CYP19A1: variants seen among roughly 807,000 people sequenced by gnomAD.
CYP19A1 encodes the protein cytochrome P450 family 19 subfamily A member 1.
CYP19A1 carries 32 observed loss-of-function variants against 44.4 expected under a neutral mutation model. That is an observed-to-expected ratio of 0.72 (90% CI 0.54 to 0.97). CYP19A1 has a LOEUF of 0.97. Ranked by LOEUF, CYP19A1 falls within the 50% of genes least tolerant of loss-of-function variation. The pLI, the probability that CYP19A1 is intolerant of heterozygous loss-of-function variation, is 0.00. For missense variants in CYP19A1, 598 were observed against 637.8 expected, an observed-to-expected ratio of 0.94 and a Z score of 0.67; for synonymous variants, 212 against 215.6, an observed-to-expected ratio of 0.98 and a Z score of 0.14.
intron 1 of CYP19A1, chr15:51,293,823 T>G (rs915747746): frequency 5.5e-6 from 1 of 180,284 alleles, no homozygotes; most frequent in Admixed American, 6.3e-5. Context: ...CCTCACAAGG[T>G]GCCGGGATTG....
Position 51,262,133 on chromosome 15 carries a change from C to T in CYP19A1, c.-38-19183G>A, listed in dbSNP as rs2034746897. ...GGGCAGAAAACCACTTAAAGGCGTT[C>T]CTAAGCCACAAACAATAGCATGAGC... On this transcript the variant is annotated intron_variant, in intron 1 of 9. Coordinates refer to ENST00000396402, the MANE Select transcript of CYP19A1 (RefSeq NM_000103.4). Among the ~76,000 whole-genome samples the T allele has an allele frequency of 2.0e-5, 3 of 152,234 alleles. No individual in the cohort carries two copies. The South Asian group carries it at 6.2e-4, about 32-fold the overall frequency.
intron 1 of CYP19A1, among the ~76,000 whole-genome samples, chr15:51,263,301 C>T (rs987188089): frequency 1.3e-5 from 2 of 152,184 alleles, no homozygotes; most frequent in Admixed American, 6.5e-5. Flanking sequence ...GCAGGCAGAA[C>T]ATTGACATTG....
At chr15:51,330,770 A>G (rs185706538) in intron 1 of CYP19A1, among the ~76,000 whole-genome samples, 13 of 152,348 alleles carry the variant, frequency 8.5e-5, no homozygotes, top group Admixed American at 5.9e-4. Flanking sequence ...AAGTAGTGTC[A>G]TGGAAGCTCA....
At chr15:51,278,103 C>G (rs2035389241) in intron 1 of CYP19A1, 1 of 151,950 alleles carries the variant, frequency 6.6e-6, no homozygotes, top group Non-Finnish European at 1.5e-5. Flanking sequence ...GCTTTTCTGG[C>G]AATCACTCTT....
chr15:51,280,778 A>G (rs2035491975), intron 1 of CYP19A1, among the ~76,000 whole-genome samples: 1 of 152,172 alleles, frequency 6.6e-6, no homozygotes, highest in Non-Finnish European at 1.5e-5. Context: ...AACTGTGTCA[A>G]CGAATGTAGT....
intron 1 of CYP19A1, among the ~76,000 whole-genome samples, chr15:51,272,695 G>C (rs1438607084): frequency 6.6e-6 from 1 of 152,164 alleles, no homozygotes; most frequent in Non-Finnish European, 1.5e-5. Flanking sequence ...AGTTTTGCTA[G>C]AGCCTCCTCT....
chr15:51,230,507 T>G (rs771803582), intron 3 of CYP19A1, among the ~76,000 whole-genome samples: 52 of 152,030 alleles, frequency 3.4e-4, no homozygotes, highest in Non-Finnish European at 6.0e-4. Context: ...GGGAGTAAGC[T>G]CTTAGGTGAT....
chr15:51,262,513 C>A (rs35939475), intron 1 of CYP19A1, among the ~76,000 whole-genome samples: 58,706 of 151,964 alleles, frequency 0.39, 11,904 homozygotes, highest in East Asian at 0.5. Context: ...AATAACCCTG[C>A]CCCTATTCTC....
intron 5 of CYP19A1, among the ~76,000 whole-genome samples, chr15:51,220,975 GT>G (rs34931824): frequency 0.071 from 10,261 of 144,028 alleles, 470 homozygotes; most frequent in Non-Finnish European, 0.096. Context: ...GCATGCACAT[GT>G]TTTTTTTTTT....
At chr15:51,310,347 G>A (rs2036289726) in intron 1 of CYP19A1, among the ~76,000 whole-genome samples, 1 of 152,194 alleles carries the variant, frequency 6.6e-6, no homozygotes, top group African/African-American at 2.4e-5. Flanking sequence ...GTTTTCTCCT[G>A]GCTTTGGCCC....
rs768392321 is a variant in CYP19A1 at position 51,215,667 on chromosome 15, T to C, written c.858+36A>G. On this transcript the variant is annotated intron_variant, in intron 7 of 9. Transcript: ENST00000396402. ...CACACCTCTACACAGTCATAACATA[T>C]GTGGCATGGGAATTACAGTTAGTTC... The C allele has an allele frequency of 9.9e-6, 16 of 1,613,824 alleles. No homozygotes were observed. The East Asian group carries it at 2.7e-4, about 27-fold the overall frequency.
intron 2 of CYP19A1, among the ~76,000 whole-genome samples, chr15:51,240,394 G>A (rs185348069): frequency 5.8e-4 from 89 of 152,180 alleles, no homozygotes; most frequent in African/African-American, 2.1e-3. Flanking sequence ...CCTCACCAGA[G>A]AAAATGGGCA....
In CYP19A1 at chr15:51,308,315, G is replaced by A. The variant is rs112827576; in HGVS notation, c.-39+30180C>T. On this transcript the variant is annotated intron_variant, in intron 1 of 9. Transcript: ENST00000396402. ...GCTGCCTCTGATCCCCACCAAGTCGGTCCTCTGTCCCCAACTTACCCTCCT... is the reference window on the plus strand; with the variant it reads ...GCTGCCTCTGATCCCCACCAAGTCGATCCTCTGTCCCCAACTTACCCTCCT... Among the ~76,000 whole-genome samples the A allele has an allele frequency of 1.8e-4, 27 of 152,294 alleles. 1 individual carries two copies. Among genetic ancestry groups the A allele is most frequent in the African/African-American group, 6.3e-4 (26 of 41,560 alleles).
intron 2 of CYP19A1, among the ~76,000 whole-genome samples, chr15:51,237,711 G>GT (rs2033496466): frequency 6.6e-6 from 1 of 152,232 alleles, no homozygotes; most frequent in African/African-American, 2.4e-5. Flanking sequence ...GCCGAGAGTA[G>GT]TGGCTGCTTA....
intron 1 of CYP19A1, among the ~76,000 whole-genome samples, chr15:51,306,704 A>T (rs957906526): frequency 6.6e-6 from 1 of 152,256 alleles, no homozygotes; most frequent in African/African-American, 2.4e-5. Flanking sequence ...TGCCATGATG[A>T]TGTCTATAAC....
At chr15:51,330,746 G>T (rs1339864273) in intron 1 of CYP19A1, among the ~76,000 whole-genome samples, 1 of 152,170 alleles carries the variant, frequency 6.6e-6, no homozygotes, top group Non-Finnish European at 1.5e-5. Flanking sequence ...AGAAGTAGGA[G>T]GAAAACCAAG....
chr15:51,260,434 C>G (rs2034671832), intron 1 of CYP19A1, among the ~76,000 whole-genome samples: 1 of 152,148 alleles, frequency 6.6e-6, no homozygotes, highest in Non-Finnish European at 1.5e-5. Context: ...AAAGCAGGCC[C>G]ACACAGATAG....
chr15:51,292,902 C>G (rs2035881416), intron 1 of CYP19A1, among the ~76,000 whole-genome samples: 1 of 151,426 alleles, frequency 6.6e-6, no homozygotes, highest in Non-Finnish European at 1.5e-5. Context: ...ACCAGGTGCT[C>G]TGATTCTCTG....
rs980404448 is a variant in CYP19A1 at position 51,287,490 on chromosome 15, C to G, written c.-38-44540G>C. On this transcript the variant is annotated intron_variant, in intron 1 of 9. Coordinates refer to ENST00000396402, the MANE Select transcript of CYP19A1 (RefSeq NM_000103.4). ...CATGCTACAAGTGCCACTTCTGAAGCTGTGTGGGCCTCGTCAGCACTCCTG... is the reference window on the plus strand; with the variant it reads ...CATGCTACAAGTGCCACTTCTGAAGGTGTGTGGGCCTCGTCAGCACTCCTG... Among the ~76,000 whole-genome samples, 7 of 152,324 alleles carry G rather than the reference C, an allele frequency of 4.6e-5. No individual in the cohort carries two copies. The South Asian group carries it at 1.5e-3, about 32-fold the overall frequency.
Sources: allele counts gnomAD v4.1 joint callset (sites outside exome capture counted in the v4.1 genomes callset), GRCh38; gene constraint gnomAD v4.1.1; transcripts MANE v1.5; gene names NCBI Gene and HGNC (gene_info 2026-07-23, HGNC 2026-07-21).